The following SLC25A48 variants were observed in gnomAD, a reference collection of about 807,000 sequenced individuals.
SLC25A48 encodes CTC-321K16.1.
In SLC25A48, 29 loss-of-function variants were observed where a neutral mutation model predicts 32.2. That is an observed-to-expected ratio of 0.90 (90% CI 0.67 to 1.23). SLC25A48 has a LOEUF of 1.23. Ranked by LOEUF, SLC25A48 falls within the 50% of genes most tolerant of loss-of-function variation. The probability of loss-of-function intolerance (pLI) is 0.00; values close to 1 mark genes in which losing one functional copy is unlikely to be tolerated. For synonymous variants in SLC25A48, 164 were observed against 172.3 expected (o/e 0.95, Z 0.38); for missense variants, 399 against 422.7 (o/e 0.94, Z 0.49).
At chr5:135,851,290 C>G (rs1028353305) in intron 3 of SLC25A48, among the ~76,000 whole-genome samples, 4 of 152,158 alleles carry the variant, frequency 2.6e-5, no homozygotes, top group African/African-American at 9.7e-5. Context: ...GGTGGTGTAA[C>G]TCCCTTGATC....
intron 4 of SLC25A48, among the ~76,000 whole-genome samples, chr5:135,819,208 A>C (rs1364782977): frequency 1.3e-5 from 2 of 152,308 alleles, no homozygotes; most frequent in South Asian, 2.1e-4. Context: ...GTGGTGAAAA[A>C]TGTAAATCAA....
At chr5:135,859,314 A>G (rs1041411584) in intron 4 of SLC25A48, among the ~76,000 whole-genome samples, 2 of 152,174 alleles carry the variant, frequency 1.3e-5, no homozygotes, top group Non-Finnish European at 2.9e-5. Flanking sequence ...TGTGTGCCAG[A>G]GAACTCTCAT....
At chr5:135,879,495 G>A (rs1762283220) in intron 6 of SLC25A48, among the ~76,000 whole-genome samples, 1 of 151,932 alleles carries the variant, frequency 6.6e-6, no homozygotes, top group African/African-American at 2.4e-5. Context: ...TCTGTTCTCT[G>A]CCACTTTTGG....
intron 4 of SLC25A48, among the ~76,000 whole-genome samples, chr5:135,821,500 T>C (rs1757885711): frequency 6.6e-6 from 1 of 152,142 alleles, no homozygotes; most frequent in South Asian, 2.1e-4. Flanking sequence ...TTCCTGACCA[T>C]CTACTGGAGG....
intron 2 of SLC25A48, among the ~76,000 whole-genome samples, chr5:135,844,709 C>T (rs1759273130): frequency 6.6e-6 from 1 of 152,208 alleles, no homozygotes; most frequent in Admixed American, 6.5e-5. Flanking sequence ...TCAGTTACCA[C>T]ATCATGTGAC....
Position 135,885,753 on chromosome 5 carries a change from A to T in SLC25A48, c.*8-2279A>T, listed in dbSNP as rs180941415. Among the ~76,000 whole-genome samples, 5 of 152,362 alleles carry T rather than the reference A, an allele frequency of 3.3e-5. No homozygotes were observed. In the East Asian group the frequency reaches 9.6e-4, roughly 29 times the overall value. On this transcript the variant is annotated intron_variant, in intron 7 of 7. Coordinates refer to ENST00000681962, the MANE Select transcript of SLC25A48 (RefSeq NM_001349336.2). ...GCAAGCATGACCATGTTAATTGAGA[A>T]TTGTTTGTAATAATGAAAATTCAGA...
intron 3 of SLC25A48, among the ~76,000 whole-genome samples, chr5:135,764,899 G>C (rs1305900106): frequency 6.6e-6 from 1 of 151,530 alleles, no homozygotes; most frequent in Non-Finnish European, 1.5e-5. Context: ...ATCACACTGT[G>C]ATGTGTTTCC....
intron 3 of SLC25A48, among the ~76,000 whole-genome samples, chr5:135,757,259 A>G (rs891533797): frequency 3.3e-5 from 5 of 149,840 alleles, no homozygotes; most frequent in Non-Finnish European, 5.9e-5. Flanking sequence ...TTAATAAAAT[A>G]TCACCTATAT....
At chr5:135,856,864 C>T (rs1014257895) in intron 4 of SLC25A48, among the ~76,000 whole-genome samples, 1 of 152,224 alleles carries the variant, frequency 6.6e-6, no homozygotes, top group African/African-American at 2.4e-5. Flanking sequence ...TGGCTCTTTG[C>T]TCTATCCCGA....
intron 3 of SLC25A48, among the ~76,000 whole-genome samples, chr5:135,759,111 A>G (rs1372836198): frequency 6.6e-6 from 1 of 152,074 alleles, no homozygotes; most frequent in Admixed American, 6.6e-5. Flanking sequence ...TTAATAAAAT[A>G]TCACCTATGA....
At chr5:135,699,551 G>A (rs531955605) in intron 3 of SLC25A48, among the ~76,000 whole-genome samples, 1 of 152,314 alleles carries the variant, frequency 6.6e-6, no homozygotes, top group East Asian at 1.9e-4. Context: ...GATTGAAAAA[G>A]GGCACGAGGG....
intron 3 of SLC25A48, among the ~76,000 whole-genome samples, chr5:135,803,981 T>C (rs1757398470): frequency 6.6e-6 from 1 of 151,576 alleles, no homozygotes; most frequent in Admixed American, 6.6e-5. Context: ...ATACTACTCT[T>C]AGGAAGATGT....
chr5:135,620,751 A>C (rs559945330), intron 1 of SLC25A48, among the ~76,000 whole-genome samples: 17 of 152,180 alleles, frequency 1.1e-4, no homozygotes, highest in African/African-American at 4.1e-4. Flanking sequence ...TTCGAACTCC[A>C]AGGTGTGTGA....
At chr5:135,842,355 T>C (rs200700279) in intron 1 of SLC25A48, 61 bp from the exon 2 acceptor site, 57 of 1,568,498 alleles carry the variant, frequency 3.6e-5, no homozygotes, top group Non-Finnish European at 4.8e-5. Flanking sequence ...TCCCAAGAGC[T>C]GGCTGGTGTA....
At chr5:135,582,045 G>A (rs1751246292) in intron 1 of SLC25A48, among the ~76,000 whole-genome samples, 1 of 152,158 alleles carries the variant, frequency 6.6e-6, no homozygotes, top group Non-Finnish European at 1.5e-5. Flanking sequence ...TGCCTTGCCT[G>A]TGTGTGTGTA....
intron 3 of SLC25A48, among the ~76,000 whole-genome samples, chr5:135,673,249 AGTAGAATAGCTAAGTTGTATG>A (rs1279920414): frequency 1.3e-5 from 2 of 152,182 alleles, no homozygotes; most frequent in African/African-American, 4.8e-5. Context: ...AATGCCTAGG[AGTAGAATAGCTAAGTTGTATG>A]GTAGATGTAT....
chr5:135,628,032 A>C (rs932404428), intron 1 of SLC25A48, among the ~76,000 whole-genome samples: 4 of 152,160 alleles, frequency 2.6e-5, no homozygotes, highest in African/African-American at 9.7e-5. Flanking sequence ...GCACCACCTG[A>C]GGAGGGTGGC....
chr5:135,633,880 AT>A (rs557585749), intron 2 of SLC25A48, among the ~76,000 whole-genome samples: 12 of 152,104 alleles, frequency 7.9e-5, no homozygotes, highest in East Asian at 1.9e-4. Flanking sequence ...TGATCTTTAA[AT>A]TTTTTTTAAC....
At chr5:135,739,316 A>G (rs565878657) in intron 3 of SLC25A48, among the ~76,000 whole-genome samples, 62 of 152,128 alleles carry the variant, frequency 4.1e-4, no homozygotes, top group Non-Finnish European at 1.8e-4. Flanking sequence ...TAGGGGTCTC[A>G]CTTTGTACCC....
Sources: allele counts gnomAD v4.1 joint callset (sites outside exome capture counted in the v4.1 genomes callset), GRCh38; gene constraint gnomAD v4.1.1; transcripts MANE v1.5; gene names NCBI Gene and HGNC (gene_info 2026-07-23, HGNC 2026-07-21).